The following PTGR2 variants were observed in gnomAD, a reference collection of about 807,000 sequenced individuals.
PTGR2 encodes 15-oxoprostaglandin 13-reductase.
In PTGR2, 32 loss-of-function variants were observed where a neutral mutation model predicts 43.4. The observed-to-expected ratio is 0.74, with a 90% confidence interval of 0.56 to 0.99. The LOEUF (loss-of-function observed/expected upper bound fraction) is 0.99, where lower values mean the gene tolerates loss of function less well. Ranked by LOEUF, PTGR2 falls within the 50% of genes least tolerant of loss-of-function variation. The pLI is 0.00. For synonymous variants in PTGR2, 106 were observed against 139.2 expected (o/e 0.76, Z 1.68); for missense variants, 373 against 420.0 (o/e 0.89, Z 0.98).
chr14:73,880,016 T>C (rs961573573), intron 6 of PTGR2, 39 bp from the exon 7 acceptor site: 3 of 1,605,174 alleles, frequency 1.9e-6, no homozygotes, highest in African/African-American at 1.3e-5. Context: ...TCAGTAAACA[T>C]AGGAAAGGGA....
intron 6 of PTGR2, 36 bp downstream of exon 6, chr14:73,879,341 G>A (rs1444579248): frequency 6.4e-7 from 1 of 1,565,146 alleles, no homozygotes; most frequent in East Asian, 2.2e-5. Context: ...TTTGAATACT[G>A]CACTTTATAT....
At chr14:73,867,417 AT>A (rs1369121660) in intron 3 of PTGR2, among the ~76,000 whole-genome samples, 3 of 152,114 alleles carry the variant, frequency 2.0e-5, no homozygotes, top group African/African-American at 7.2e-5. Flanking sequence ...GAGAATTCTG[AT>A]GAAAACAATA....
chr14:73,883,790 C>T (rs1267442470), intron 9 of PTGR2, among the ~76,000 whole-genome samples: 2 of 152,070 alleles, frequency 1.3e-5, no homozygotes, highest in African/African-American at 2.4e-5. Context: ...CCGGCCTTCA[C>T]TCACATTTTA....
In PTGR2 at chr14:73,877,040, G is replaced by A. The variant is rs2045030512; in HGVS notation, c.391G>A (p.Gly131Arg). The A allele has an allele frequency of 6.2e-7, 1 of 1,613,632 alleles. No homozygotes were observed. ...LVDGHLSYFL[G>R]AIGMPGLTSL... ...GGATGGACACCTTTCATATTTTCTT[G>A]GAGCTATAGGTATGCCTGGTTTGAC... Residue 131 changes from glycine to arginine, a missense_variant, in exon 5 of 10, where the codon GGA becomes AGA. Gly to Arg is a moderately radical substitution (Grantham distance 125). Coordinates refer to ENST00000555661, the MANE Select transcript of PTGR2 (RefSeq NM_001146154.2).
At chr14:73,875,455 C>A (rs766615301) in intron 4 of PTGR2, among the ~76,000 whole-genome samples, 9 of 151,978 alleles carry the variant, frequency 5.9e-5, no homozygotes, top group Non-Finnish European at 1.3e-4. Flanking sequence ...AAGCGATTCT[C>A]CTGCCTCAGC....
intron 8 of PTGR2, among the ~76,000 whole-genome samples, chr14:73,881,555 C>A (rs1168605194): frequency 3.1e-5 from 3 of 97,508 alleles, no homozygotes; most frequent in Non-Finnish European, 7.0e-5. Context: ...GGTTTTCCCC[C>A]AAATGTAAAA....
chr14:73,873,079 G>A (rs904202885), intron 3 of PTGR2, among the ~76,000 whole-genome samples: 1 of 151,884 alleles, frequency 6.6e-6, no homozygotes. Context: ...GAGAGGCTGC[G>A]GGCAGTACAC....
Position 73,877,081 on chromosome 14 carries a change from A to G in PTGR2, c.432A>G (p.Ile144Met). ...GMPGLTSLIG[I>M]QEKGHITAGS... The stretch of plus-strand genomic sequence containing the variant: ...CTGGTTTGACTTCCTTGATTGGGAT[A>G]CAGGAAAAAGGTCATATAACTGCTG... Residue 144 changes from isoleucine to methionine, a missense_variant, in exon 5 of 10, where the codon ATA (isoleucine) becomes ATG (methionine). Transcript: ENST00000555661. 6.2e-7 allele frequency: 1 copy of G among 1,613,678 alleles called. No individual in the cohort carries two copies. Among genetic ancestry groups the G allele is most frequent in the Non-Finnish European group, 8.5e-7 (1 of 1,179,606 alleles).
intron 9 of PTGR2, among the ~76,000 whole-genome samples, chr14:73,882,791 C>A (rs1022063362): frequency 7.6e-6 from 1 of 131,650 alleles, no homozygotes; most frequent in African/African-American, 2.8e-5. Flanking sequence ...TGAGCCACCA[C>A]GCCTGGCCCT....
At chr14:73,864,705 A>T (rs1417572278) in intron 3 of PTGR2, among the ~76,000 whole-genome samples, 1 of 152,092 alleles carries the variant, frequency 6.6e-6, no homozygotes, top group Non-Finnish European at 1.5e-5. Flanking sequence ...TTCTTGCTGG[A>T]TGTATGATCT....
At position 73,884,120 on chromosome 14, in the gene PTGR2, G is replaced by A. The variant is rs145634688; in HGVS notation, c.999G>A (p.Met333Ile). The A allele has an allele frequency of 2.1e-5, 34 of 1,607,588 alleles. No homozygotes were observed. The highest frequency in any genetic ancestry group is 2.7e-5 in the African/African-American group (2 of 74,682). ...ENMGAAFQSM[M>I]TGGNIGKQIV... ...TTCCAGCTGCATTCCAGTCCATGAT[G>A]ACAGGAGGTAACATTGGAAAGCAGA... The change falls in exon 10 of 10, where the codon ATG becomes ATA. Residue 333 changes from methionine to isoleucine, a missense_variant. Coordinates refer to ENST00000555661, the MANE Select transcript of PTGR2 (RefSeq NM_001146154.2).
At position 73,883,188 on chromosome 14, in the gene PTGR2, CTTTTT is replaced by C. The variant is rs58234739; in HGVS notation, c.979+778_979+782del. Among the ~76,000 whole-genome samples the C allele has an allele frequency of 7.5e-3, 435 of 58,102 alleles. 3 individuals are homozygous for C. The highest frequency in any genetic ancestry group is 0.01 in the Non-Finnish European group (370 of 35,964). 38.1% of individuals were successfully genotyped at this position (58,102 alleles called of 152,430 possible). ...CCTGCCCTTCCCTCCCCTCACCTCC[CTTTTT>C]TTTTTTTTTTTTTTTTTTTTTTTTT... On this transcript the variant is annotated intron_variant, in intron 9 of 9. Transcript: ENST00000555661.
chr14:73,857,734 T>G (rs2054391826), intron 1 of PTGR2, among the ~76,000 whole-genome samples: 1 of 133,936 alleles, frequency 7.5e-6, no homozygotes, highest in Admixed American at 8.4e-5. Flanking sequence ...AGTGGTGCGA[T>G]CTCGGCTCAC....
chr14:73,860,299 C>G (rs146660196), intron 2 of PTGR2, among the ~76,000 whole-genome samples: 52 of 151,962 alleles, frequency 3.4e-4, no homozygotes, highest in African/African-American at 1.3e-3. Context: ...AACCCCATCT[C>G]TACTAAAAAT....
rs979965664 is a variant in PTGR2, at chr14:73,880,665, G to A, written c.851+489G>A. On this transcript the variant is annotated intron_variant, in intron 7 of 9. Transcript: ENST00000555661. ...TCAATATTTAGGTTCTGGCTAACTA[G>A]CTACCTGAAAACTGATAGTTATTGG... Among the ~76,000 whole-genome samples, 6 of 151,678 alleles carry A rather than the reference G, an allele frequency of 4.0e-5. No homozygotes were observed. In the East Asian group the frequency reaches 7.7e-4, roughly 20 times the overall value.
Position 73,880,958 on chromosome 14 carries a change from G to A in PTGR2, c.852-247G>A, listed in dbSNP as rs560120373. ...ACTACAGGCGCTCACTACCATGCCC[G>A]GCTAATTTTTTTGTATTTTTAGTAG... On this transcript the variant is annotated intron_variant, in intron 7 of 9. Transcript: ENST00000555661. Among the ~76,000 whole-genome samples, 6 of 152,198 alleles carry A rather than the reference G, an allele frequency of 3.9e-5. No individual in the cohort carries two copies. The East Asian group carries it at 9.7e-4, about 25-fold the overall frequency.
intron 3 of PTGR2, among the ~76,000 whole-genome samples, chr14:73,865,729 G>T (rs1030934903): frequency 2.0e-5 from 3 of 151,270 alleles, no homozygotes; most frequent in African/African-American, 7.3e-5. Flanking sequence ...ATACAGTCGT[G>T]TCAGCACTTT....
Position 73,881,198 on chromosome 14 carries a change from A to G in PTGR2, c.852-7A>G. On this transcript the variant is annotated splice_polypyrimidine_tract_variant and splice_region_variant and intron_variant, in intron 7 of 9. Coordinates refer to ENST00000555661, the MANE Select transcript of PTGR2 (RefSeq NM_001146154.2). ...TCTGATCATTATCCTTTTCTTCCTC[A>G]CTGCAGGGAAAGATTTCTGGTATTA... 2.6e-6 allele frequency: 4 copies of G among 1,549,984 alleles called. No individual in the cohort carries two copies. Among genetic ancestry groups the G allele is most frequent in the South Asian group, 1.1e-5 (1 of 89,462 alleles).
intron 3 of PTGR2, among the ~76,000 whole-genome samples, chr14:73,862,301 G>A (rs980685627): frequency 5.3e-5 from 8 of 151,896 alleles, no homozygotes; most frequent in African/African-American, 1.9e-4. Flanking sequence ...TCCGCCTCCC[G>A]GGTTCACGCC....
Sources: gnomAD v4.1 joint callset for allele counts (sites outside exome capture counted in the v4.1 genomes callset) on GRCh38, gnomAD v4.1.1 for gene constraint, MANE v1.5 for transcripts, NCBI Gene and HGNC (gene_info 2026-07-23, HGNC 2026-07-21) for gene names.